CCDC144A: variants seen among roughly 807,000 people sequenced by gnomAD.
The protein encoded by CCDC144A is coiled-coil domain containing 144A, also known as coiled-coil domain-containing protein 144A.
In CCDC144A, 41 loss-of-function variants were observed where a neutral mutation model predicts 143.8. That is an observed-to-expected ratio of 0.29 (90% confidence interval 0.22 to 0.37). The LOEUF is 0.37. Ranked by LOEUF, CCDC144A falls within the 10% of genes least tolerant of loss-of-function variation. The pLI is 1.00. For missense variants in CCDC144A, 637 were observed against 1,488.8 expected, an observed-to-expected ratio of 0.43 and a Z score of 9.41; for synonymous variants, 242 against 517.9, an observed-to-expected ratio of 0.47 and a Z score of 7.23.
intron 14 of CCDC144A, 106 bp from the exon 15 acceptor site, chr17:16,763,859 A>G: frequency 2.4e-6 from 3 of 1,273,302 alleles, no homozygotes; most frequent in Admixed American, 2.8e-5. Context: ...GGCTTATGGT[A>G]TATTCCATTT....
chr17:16,728,290 T>C (rs1167249410), intron 9 of CCDC144A, among the ~76,000 whole-genome samples: 22 of 152,204 alleles, frequency 1.4e-4, no homozygotes, highest in Non-Finnish European at 1.5e-5. Flanking sequence ...TTCTGCAAAA[T>C]TGGCCTCCCA....
chr17:16,711,183 A>G (rs1912421946), intron 5 of CCDC144A, among the ~76,000 whole-genome samples: 1 of 145,884 alleles, frequency 6.9e-6, no homozygotes, highest in African/African-American at 2.5e-5. Context: ...GGAAAAGAAT[A>G]GCTTAGTGCA....
upstream of CCDC144A, among the ~76,000 whole-genome samples, chr17:16,686,349 A>G (rs1405167316): frequency 6.6e-6 from 1 of 151,876 alleles, no homozygotes; most frequent in East Asian, 1.9e-4. Flanking sequence ...CAAACTCTCC[A>G]TTTTTGTCTG....
At chr17:16,677,797 ACT>A in the CCDC144A span, among the ~76,000 whole-genome samples, 2 of 151,494 alleles carry the variant, frequency 1.3e-5, no homozygotes, top group African/African-American at 4.9e-5. Flanking sequence ...TCAGAGTGAA[ACT>A]CTATCTCAAA....
chr17:16,683,881 C>A, the CCDC144A span: 2 of 1,362,226 alleles, frequency 1.5e-6, no homozygotes, highest in Non-Finnish European at 2.1e-6. Flanking sequence ...TCGTCGTCGT[C>A]TACGCTGATG....
At chr17:16,674,676 A>T in the CCDC144A span, among the ~76,000 whole-genome samples, 1 of 152,132 alleles carries the variant, frequency 6.6e-6, no homozygotes. Context: ...GCCACTCTGT[A>T]ATGAATAAAC....
chr17:16,757,090 G>A (rs1310586738), intron 12 of CCDC144A, among the ~76,000 whole-genome samples: 2 of 152,286 alleles, frequency 1.3e-5, no homozygotes, highest in African/African-American at 4.8e-5. Context: ...TACCTGAGTG[G>A]TCTGGCCCTT....
chr17:16,674,249 A>C, the CCDC144A span, among the ~76,000 whole-genome samples: 2 of 152,100 alleles, frequency 1.3e-5, no homozygotes, highest in Non-Finnish European at 2.9e-5. Context: ...TCTCATCTCT[A>C]CAAAAAATTA....
At chr17:16,768,455 C>CT in intron 15 of CCDC144A, among the ~76,000 whole-genome samples, 1 of 152,172 alleles carries the variant, frequency 6.6e-6, no homozygotes, top group Non-Finnish European at 1.5e-5. Context: ...TAATGTTTAA[C>CT]TTAACTACTC....
At chr17:16,772,143 A>C in intron 16 of CCDC144A, 124 bp downstream of exon 16, 1 of 623,810 alleles carries the variant, frequency 1.6e-6, no homozygotes, top group Non-Finnish European at 2.8e-6. Flanking sequence ...TTTCATATAC[A>C]TCTAATGAAA....
In CCDC144A at chr17:16,761,555, A is replaced by G; in HGVS notation, c.3503A>G (p.Gln1168Arg). ...KAIQKQCETL[Q>R]KNKKQLKQEV... ...ATACAAAAGCAATGTGAAACACTAC[A>G]GAAGAATAAGAAGCAGCTGAAACAA... Residue 1168 changes from glutamine (Q) to arginine (R), a missense_variant, in exon 13 of 17, where the codon CAG (glutamine) becomes CGG (arginine). Transcript: ENST00000399273. 6.3e-7 allele frequency: 1 copy of G among 1,590,348 alleles called. No individual in the cohort carries two copies. Among genetic ancestry groups the G allele is most frequent in the Non-Finnish European group, 8.6e-7 (1 of 1,168,830 alleles).
intron 12 of CCDC144A, 98 bp from the exon 13 acceptor site, chr17:16,761,327 C>T (rs1187172079): frequency 4.2e-6 from 6 of 1,440,282 alleles, no homozygotes; most frequent in Non-Finnish European, 5.5e-6. Flanking sequence ...GAGCGAGACT[C>T]CATCTCAAAA....
At chr17:16,743,824 C>A (rs1165762830) in intron 12 of CCDC144A, among the ~76,000 whole-genome samples, 1 of 141,148 alleles carries the variant, frequency 7.1e-6, no homozygotes, top group East Asian at 2.1e-4. Flanking sequence ...CATTTTTCAA[C>A]CATTGTCCAA....
chr17:16,733,550 C>G (rs1221484466), intron 11 of CCDC144A, among the ~76,000 whole-genome samples: 3 of 150,006 alleles, frequency 2.0e-5, no homozygotes, highest in Admixed American at 6.6e-5. Context: ...GTATTTCACC[C>G]TGTTTCATGC....
intron 15 of CCDC144A, 188 bp downstream of exon 15, chr17:16,764,363 A>C: frequency 7.4e-7 from 1 of 1,350,690 alleles, no homozygotes; most frequent in Non-Finnish European, 9.7e-7. Context: ...ATAAGAGATT[A>C]CTCCTTTGTT....
intron 15 of CCDC144A, among the ~76,000 whole-genome samples, chr17:16,768,308 T>TAA (rs1915692550): frequency 2.0e-5 from 3 of 152,230 alleles, no homozygotes; most frequent in African/African-American, 7.2e-5. Flanking sequence ...TAAAACTTGT[T>TAA]TAATACCAAA....
At chr17:16,677,385 G>C in the CCDC144A span, among the ~76,000 whole-genome samples, 1 of 152,138 alleles carries the variant, frequency 6.6e-6, no homozygotes, top group Non-Finnish European at 1.5e-5. Flanking sequence ...AATACTTATA[G>C]AAGGTTATAG....
chr17:16,714,616 T>C (rs1329932316), intron 6 of CCDC144A, among the ~76,000 whole-genome samples: 1 of 152,022 alleles, frequency 6.6e-6, no homozygotes, highest in South Asian at 2.1e-4. Flanking sequence ...GCTCTCTAGA[T>C]GCATGTAATA....
rs1208476030 is a variant in CCDC144A at position 16,729,699 on chromosome 17, G to A, written c.2105+1959G>A. Among the ~76,000 whole-genome samples, 6 of 151,572 alleles carry A rather than the reference G, an allele frequency of 4.0e-5. No individual in the cohort carries two copies. The East Asian group carries it at 9.8e-4, about 25-fold the overall frequency. The stretch of plus-strand genomic sequence containing the variant: ...GCCTCCTGAGTAGCTGTGATTAAAG[G>A]CATTGCCACCACGCCTGGCTAATTT... On this transcript the variant is annotated intron_variant, in intron 9 of 16. Coordinates refer to ENST00000399273, the MANE Select transcript of CCDC144A (RefSeq NM_001382000.1).
Sources: allele counts gnomAD v4.1 joint callset (sites outside exome capture counted in the v4.1 genomes callset), GRCh38; gene constraint gnomAD v4.1.1; transcripts MANE v1.5; gene names NCBI Gene and HGNC (gene_info 2026-07-23, HGNC 2026-07-21).